NEBL: variants seen among roughly 807,000 people sequenced by gnomAD.
The protein encoded by NEBL is LIM and SH3 protein 2.
In NEBL, 122 loss-of-function variants were observed where a neutral mutation model predicts 140.2. The observed-to-expected ratio is 0.87, with a 90% CI of 0.75 to 1.01. The LOEUF is 1.01. Ranked by LOEUF, NEBL falls within the 50% of genes least tolerant of loss-of-function variation. The probability of loss-of-function intolerance (pLI) is 0.00; values close to 1 mark genes in which losing one functional copy is unlikely to be tolerated. For synonymous variants in NEBL, 436 were observed against 398.9 expected (o/e 1.09, Z -1.11); for missense variants, 1,365 against 1,231.3 (o/e 1.11, Z -1.62).
In NEBL at chr10:20,845,341, C is replaced by T. The variant is rs749629919; in HGVS notation, c.1144G>A (p.Glu382Lys). The change falls in exon 12 of 28, where the codon GAG becomes AAG. Residue 382 changes from glutamate to lysine, a missense_variant. Transcript: ENST00000377122. Reference protein sequence around the residue: ...EKVYKEDFEKEIKGRSSLDLD... With the variant: ...EKVYKEDFEKKIKGRSSLDLD... ...TCCAGTGATGACCTTCCTTTAATCT[C>T]CTTCTCAAAATCCTCTTTGTAAACT... The T allele has an allele frequency of 4.5e-5, 72 of 1,602,212 alleles. No homozygotes were observed. The highest frequency in any genetic ancestry group is 6.1e-5 in the Non-Finnish European group (71 of 1,169,824).
intron 1 of NEBL, among the ~76,000 whole-genome samples, chr10:21,277,101 C>G (rs1000411795): frequency 6.6e-6 from 1 of 151,968 alleles, no homozygotes; most frequent in Non-Finnish European, 1.5e-5. Flanking sequence ...TGTACTCCAG[C>G]CTGAGTCACA....
rs1170225891 is a variant in NEBL at position 21,166,219 on chromosome 10, CAAAAAA to C, written c.164+6158_164+6163del. Among the ~76,000 whole-genome samples, 4 of 35,396 alleles carry C rather than the reference CAAAAAA, an allele frequency of 1.1e-4. No homozygotes were observed. In the South Asian group the frequency reaches 3.9e-3, roughly 34 times the overall value. The allele number at this position is 35,396 out of a possible 152,430, so 23.2% of individuals were successfully genotyped here. On this transcript the variant is annotated intron_variant, in intron 2 of 6. Transcript: ENST00000417816. ...TGGGCGACAGAGCGAGACTGTGTCT[CAAAAAA>C]AAAAAAAAAAAAAAAAAAAAGAAAA... is the stretch of plus-strand genomic sequence containing the variant.
At chr10:21,225,809 TG>T (rs1842139130) in intron 3 of NEBL, among the ~76,000 whole-genome samples, 1 of 152,042 alleles carries the variant, frequency 6.6e-6, no homozygotes, top group African/African-American at 2.4e-5. Context: ...CAGAGCAGGG[TG>T]GGAAATGCTA....
chr10:20,812,895 T>G lies in NEBL; in HGVS notation c.2392A>C (p.Thr798Pro). The G allele has an allele frequency of 6.2e-7, 1 of 1,613,954 alleles. No individual in the cohort carries two copies. Among genetic ancestry groups the G allele is most frequent in the Non-Finnish European group, 8.5e-7 (1 of 1,179,928 alleles). The change falls in exon 24 of 28, where the codon ACT (threonine) becomes CCT (proline). Residue 798 changes from threonine (T) to proline (P), a missense_variant. Physicochemically the swap from Thr to Pro is conservative, Grantham distance 38. Coordinates refer to ENST00000377122, the MANE Select transcript of NEBL (RefSeq NM_006393.3). ...GTCACAGGATCGTCCACGACGGGAG[T>G]AAAGCCTCTCCCCTTTGTTTTTTCA... ...DFEKTKGRGF[T>P]PVVDDPVTER... is the part of the protein sequence containing the mutation.
intron 2 of NEBL, among the ~76,000 whole-genome samples, chr10:21,169,260 G>A (rs1209271351): frequency 1.3e-5 from 2 of 150,826 alleles, no homozygotes; most frequent in Admixed American, 6.6e-5. Context: ...AGTGACAGGG[G>A]AAGACGAAGA....
At chr10:21,269,800 G>A (rs1408589679) in intron 1 of NEBL, among the ~76,000 whole-genome samples, 1 of 152,170 alleles carries the variant, frequency 6.6e-6, no homozygotes, top group Admixed American at 6.5e-5. Context: ...CCTCTAAGGT[G>A]GTGGTCTTCC....
chr10:21,089,495 G>A (rs1295699591), intron 2 of NEBL, among the ~76,000 whole-genome samples: 1 of 152,128 alleles, frequency 6.6e-6, no homozygotes, highest in African/African-American at 2.4e-5. Context: ...AGCCAAAGAG[G>A]TGGGGGGTGA....
chr10:21,243,886 G>C (rs1051309290), intron 3 of NEBL, among the ~76,000 whole-genome samples: 2 of 147,104 alleles, frequency 1.4e-5, no homozygotes, highest in Non-Finnish European at 3.0e-5. Flanking sequence ...AAAAAAGAAA[G>C]AGAGAGAGAG....
chr10:21,009,931 G>A (rs561445965), intron 3 of NEBL, among the ~76,000 whole-genome samples: 11 of 152,202 alleles, frequency 7.2e-5, no homozygotes, highest in African/African-American at 2.6e-4. Flanking sequence ...GGCACAATAA[G>A]GGCTACCGCA....
chr10:20,884,767 C>T (rs1000102445), intron 4 of NEBL, among the ~76,000 whole-genome samples: 13 of 152,218 alleles, frequency 8.5e-5, no homozygotes, highest in Admixed American at 4.6e-4. Context: ...GCCTGAGTAG[C>T]GTGAATTGCT....
intron 2 of NEBL, among the ~76,000 whole-genome samples, chr10:21,147,465 A>G (rs567307010): frequency 7.3e-6 from 1 of 136,760 alleles, no homozygotes; most frequent in South Asian, 2.2e-4. Flanking sequence ...TTCCCTTCTC[A>G]CTTCCCACTC....
upstream of NEBL, among the ~76,000 whole-genome samples, chr10:20,898,027 C>A (rs1307297634): frequency 6.6e-6 from 1 of 152,110 alleles, no homozygotes; most frequent in Non-Finnish European, 1.5e-5. Flanking sequence ...TTCTGCAGTT[C>A]TACTCATCAT....
intron 1 of NEBL, among the ~76,000 whole-genome samples, chr10:21,288,850 A>ATATATAGATAT (rs1554836851): frequency 1.4e-5 from 1 of 73,492 alleles, no homozygotes; most frequent in Non-Finnish European, 2.4e-5. Flanking sequence ...ATATATATAT[A>ATATATAGATAT]AAAATTTTTT....
At chr10:20,792,376 G>A (rs1329569299) in intron 26 of NEBL, among the ~76,000 whole-genome samples, 2 of 152,086 alleles carry the variant, frequency 1.3e-5, no homozygotes, top group Non-Finnish European at 2.9e-5. Flanking sequence ...AACTTAATGA[G>A]GTTTTGTTTT....
At position 20,880,791 on chromosome 10, in the gene NEBL, T is replaced by C. The variant is rs71578983; in HGVS notation, c.480+3A>G. ...GAAAATCATGAGAAATGCGCTTCCT[T>C]ACATTACTCTGGTGTTTATTGACCT... is the stretch of plus-strand genomic sequence containing the variant. On this transcript the variant is annotated splice_donor_region_variant and intron_variant, in intron 5 of 27. Transcript: ENST00000377122. 6,736 of 1,598,562 alleles carry C rather than the reference T, an allele frequency of 4.2e-3. 21 individuals carry two copies. Among genetic ancestry groups the C allele is most frequent in the Non-Finnish European group, 4.9e-3 (5,693 of 1,165,848 alleles).
chr10:21,010,334 T>G (rs1838287476), intron 3 of NEBL, among the ~76,000 whole-genome samples: 1 of 152,196 alleles, frequency 6.6e-6, no homozygotes. Context: ...AACCTCGACC[T>G]TCTGGGCTCA....
intron 4 of NEBL, among the ~76,000 whole-genome samples, chr10:20,945,346 GT>G (rs774865515): frequency 6.6e-6 from 1 of 152,132 alleles, no homozygotes; most frequent in Non-Finnish European, 1.5e-5. Context: ...ACCAGGCTAC[GT>G]TCTGTGTTCT....
chr10:21,132,082 A>G (rs1422446936), intron 2 of NEBL, among the ~76,000 whole-genome samples: 2 of 152,212 alleles, frequency 1.3e-5, no homozygotes, highest in African/African-American at 4.8e-5. Flanking sequence ...ATATAAATCT[A>G]GAGCATTTTC....
At chr10:20,908,160 C>G (rs1848181011) in intron 4 of NEBL, among the ~76,000 whole-genome samples, 1 of 152,130 alleles carries the variant, frequency 6.6e-6, no homozygotes, top group Admixed American at 6.6e-5. Context: ...ACACCCATTT[C>G]ACAGATGAGG....
Sources: allele counts gnomAD v4.1 joint callset (sites outside exome capture counted in the v4.1 genomes callset), GRCh38; gene constraint gnomAD v4.1.1; transcripts MANE v1.5; gene names NCBI Gene and HGNC (gene_info 2026-07-23, HGNC 2026-07-21).